The following ITFG1 variants were observed in gnomAD, a reference collection of about 807,000 sequenced individuals.
ITFG1 encodes the protein integrin alpha FG-GAP repeat containing 1, also known as T-cell immunomodulatory protein.
In ITFG1, 34 loss-of-function variants were observed where a neutral mutation model predicts 81.8. That is an observed-to-expected ratio of 0.42 (90% confidence interval 0.32 to 0.55). ITFG1 has a LOEUF of 0.55. Among genes scored for constraint, ITFG1 ranks in the 20% least tolerant of loss-of-function variants. ITFG1 has a pLI of 0.17. For missense variants in ITFG1, 672 were observed against 755.4 expected (o/e 0.89, Z 1.29); for synonymous variants, 285 against 270.6 (o/e 1.05, Z -0.52).
At chr16:47,325,458 A>T (rs550895659) in intron 8 of ITFG1, among the ~76,000 whole-genome samples, 1 of 152,346 alleles carries the variant, frequency 6.6e-6, no homozygotes, top group East Asian at 1.9e-4. Context: ...GCAGAAGGCA[A>T]GAAATAACTA....
intron 2 of ITFG1, among the ~76,000 whole-genome samples, chr16:47,456,993 T>C (rs967503137): frequency 6.6e-6 from 1 of 152,084 alleles, no homozygotes; most frequent in Non-Finnish European, 1.5e-5. Flanking sequence ...AACTATGCAA[T>C]CTATTTTTTA....
intron 8 of ITFG1, among the ~76,000 whole-genome samples, chr16:47,325,618 A>G (rs1009873424): frequency 5.9e-5 from 9 of 152,186 alleles, no homozygotes; most frequent in East Asian, 5.8e-4. Context: ...TCAAATAGAC[A>G]CAATAAAAAA....
At chr16:47,266,591 T>C (rs1966279265) in intron 10 of ITFG1, among the ~76,000 whole-genome samples, 1 of 152,218 alleles carries the variant, frequency 6.6e-6, no homozygotes, top group Admixed American at 6.5e-5. Context: ...TGGAAGCTCA[T>C]ACACTGTTGG....
chr16:47,208,051 C>T (rs530396154), intron 14 of ITFG1, among the ~76,000 whole-genome samples: 26 of 152,308 alleles, frequency 1.7e-4, no homozygotes, highest in Middle Eastern at 6.8e-3. Flanking sequence ...CAAGGTAACA[C>T]AGCAGGAGAC....
intron 8 of ITFG1, among the ~76,000 whole-genome samples, chr16:47,315,768 C>CATATATATATATATAT (rs546244760): frequency 1.2e-4 from 17 of 144,462 alleles, no homozygotes; most frequent in African/African-American, 3.7e-4. Flanking sequence ...TTCTAAATGC[C>CATATATATATATATAT]ATATATATAT....
chr16:47,245,906 G>T (rs983762452), intron 12 of ITFG1, among the ~76,000 whole-genome samples: 10 of 151,618 alleles, frequency 6.6e-5, no homozygotes, highest in African/African-American at 2.2e-4. Flanking sequence ...AAGGTGAATG[G>T]AACTCTTTTG....
At position 47,303,001 on chromosome 16, in the gene ITFG1, G is replaced by T. The variant is rs554182394; in HGVS notation, c.1070+8239C>A. ...AAAAATAGACGATAGGCTGGGGGCG[G>T]TAGCTCACGCCTGTAATCCCAGCAC... On this transcript the variant is annotated intron_variant, in intron 10 of 17. Coordinates refer to ENST00000320640, the MANE Select transcript of ITFG1 (RefSeq NM_030790.5). Among the ~76,000 whole-genome samples the T allele has an allele frequency of 3.9e-5, 6 of 152,292 alleles. No individual in the cohort carries two copies. In the East Asian group the frequency reaches 1.2e-3, roughly 29 times the overall value.
At chr16:47,222,413 C>CT (rs1043034196) in intron 13 of ITFG1, among the ~76,000 whole-genome samples, 12,124 of 130,874 alleles carry the variant, frequency 0.093, 1,128 homozygotes, top group African/African-American at 0.23. Context: ...GAGTTTCTTT[C>CT]TTTTTTTTTT....
At chr16:47,380,806 T>C (rs1490833023) in intron 6 of ITFG1, among the ~76,000 whole-genome samples, 2 of 152,198 alleles carry the variant, frequency 1.3e-5, no homozygotes, top group African/African-American at 4.8e-5. Context: ...AGAAACAACA[T>C]AATGATAGCT....
intron 14 of ITFG1, among the ~76,000 whole-genome samples, chr16:47,212,101 C>T (rs974436414): frequency 2.0e-5 from 3 of 151,982 alleles, no homozygotes; most frequent in African/African-American, 7.3e-5. Context: ...TGAGGACTAT[C>T]TGTCTACAGG....
rs1968817226 is a variant in ITFG1 at position 47,411,974 on chromosome 16, A to G, written c.655+16830T>C. ...CCAGCATACATTGACTGTGAAACCC[A>G]ATGCAGAAATCTAGCCACAAATAAA... On this transcript the variant is annotated intron_variant, in intron 6 of 17. Coordinates refer to ENST00000320640, the MANE Select transcript of ITFG1 (RefSeq NM_030790.5). Among the ~76,000 whole-genome samples, 3 of 152,192 alleles carry G rather than the reference A, an allele frequency of 2.0e-5. 1 individual carries two copies. The highest frequency in any genetic ancestry group is 4.1e-4 in the South Asian group (2 of 4,834).
chr16:47,186,723 C>T (rs945333642), intron 14 of ITFG1, among the ~76,000 whole-genome samples: 1 of 152,206 alleles, frequency 6.6e-6, no homozygotes, highest in African/African-American at 2.4e-5. Context: ...CCCTCTCTCA[C>T]CACTCCTTTT....
chr16:47,173,565 G>A (rs1651675733), intron 14 of ITFG1, among the ~76,000 whole-genome samples: 1 of 152,126 alleles, frequency 6.6e-6, no homozygotes, highest in African/African-American at 2.4e-5. Flanking sequence ...AGCACATCAC[G>A]ATTGTCTACC....
At chr16:47,260,478 T>G in intron 11 of ITFG1, 67 bp downstream of exon 11, 1 of 1,523,212 alleles carries the variant, frequency 6.6e-7, no homozygotes, top group Non-Finnish European at 9.0e-7. Flanking sequence ...TCAAATGGAA[T>G]GAAGCTAAAG....
intron 13 of ITFG1, among the ~76,000 whole-genome samples, chr16:47,220,986 C>T (rs1442445509): frequency 6.6e-6 from 1 of 152,078 alleles, no homozygotes; most frequent in Non-Finnish European, 1.5e-5. Flanking sequence ...GCTCTATTTC[C>T]ATGTCACTCT....
At chr16:47,184,160 C>A (rs1190184039) in intron 14 of ITFG1, among the ~76,000 whole-genome samples, 1 of 152,108 alleles carries the variant, frequency 6.6e-6, no homozygotes, top group Middle Eastern at 3.2e-3. Context: ...GACTGGTGTA[C>A]CTGAAAGTGA....
intron 14 of ITFG1, among the ~76,000 whole-genome samples, chr16:47,217,257 CGTT>C (rs1181279484): frequency 6.6e-6 from 1 of 152,118 alleles, no homozygotes; most frequent in Admixed American, 6.5e-5. Flanking sequence ...TACTTGATTA[CGTT>C]AAGTAAGCAA....
At chr16:47,450,379 T>C (rs1419199849) in intron 5 of ITFG1, 8 of 317,380 alleles carry the variant, frequency 2.5e-5, no homozygotes, top group South Asian at 1.5e-4. Context: ...TGATCTCCCA[T>C]CCAAGCACTA....
chr16:47,279,685 T>C (rs904310305), intron 10 of ITFG1, among the ~76,000 whole-genome samples: 7 of 152,186 alleles, frequency 4.6e-5, no homozygotes, highest in Admixed American at 6.5e-5. Context: ...TCTACTGCGA[T>C]TTTGATAGGA....
Sources: allele counts gnomAD v4.1 joint callset (sites outside exome capture counted in the v4.1 genomes callset), GRCh38; gene constraint gnomAD v4.1.1; transcripts MANE v1.5; gene names NCBI Gene and HGNC (gene_info 2026-07-23, HGNC 2026-07-21).